The following CLASP2 variants were observed in gnomAD, a reference collection of about 807,000 sequenced individuals.
CLASP2 encodes CLIP-associating protein 2.
In CLASP2, 47 loss-of-function variants were observed where a neutral mutation model predicts 194.4. The ratio of observed to expected loss-of-function variants is 0.24; its 90% CI spans 0.19 to 0.31. CLASP2 has a LOEUF of 0.31. Among genes scored for constraint, CLASP2 ranks in the 10% least tolerant of loss-of-function variants. CLASP2 has a pLI of 1.00. For synonymous variants in CLASP2, 619 were observed against 633.5 expected (o/e 0.98, Z 0.34); for missense variants, 1,445 against 1,823.6 (o/e 0.79, Z 3.78).
At chr3:33,632,552 T>C (rs75493127) in intron 8 of CLASP2, among the ~76,000 whole-genome samples, 181 bp from the exon 9 acceptor site, 2,444 of 152,364 alleles carry the variant, frequency 0.016, 22 homozygotes, top group South Asian at 0.032. Flanking sequence ...TACTTTGTAA[T>C]GCCGATTCAT....
chr3:33,689,694 T>G (rs1372099564), intron 3 of CLASP2, 135 bp downstream of exon 3: 2 of 539,688 alleles, frequency 3.7e-6, no homozygotes, highest in Middle Eastern at 4.1e-4. Context: ...ATTGACACTG[T>G]ATCTTAAATA....
chr3:33,627,357 C>A, intron 9 of CLASP2: 2 of 366,530 alleles, frequency 5.5e-6, no homozygotes, highest in South Asian at 5.8e-5. Flanking sequence ...TGTAAAATAT[C>A]TAAGAATAAA....
intron 6 of CLASP2, among the ~76,000 whole-genome samples, chr3:33,676,791 C>T (rs1217500025): frequency 4.6e-5 from 7 of 152,052 alleles, no homozygotes; most frequent in Admixed American, 6.6e-5. Flanking sequence ...AGAAAATTTT[C>T]GCAACCTACT....
Position 33,669,918 on chromosome 3 carries a change from A to G in CLASP2, c.645-6403T>C, listed in dbSNP as rs191194097. ...ATGTATACCACAAAGCATATACAAG[A>G]AAGTTATTAGCAGCATACTCATAAA... On this transcript the variant is annotated intron_variant, in intron 6 of 38. Coordinates refer to ENST00000682230, the MANE Select transcript of CLASP2 (RefSeq NM_001365631.1). Among the ~76,000 whole-genome samples, 4 of 152,318 alleles carry G rather than the reference A, an allele frequency of 2.6e-5. No individual in the cohort carries two copies. The East Asian group carries it at 7.7e-4, about 29-fold the overall frequency.
intron 27 of CLASP2, among the ~76,000 whole-genome samples, chr3:33,564,817 T>C (rs2062403605): frequency 6.6e-6 from 1 of 152,150 alleles, no homozygotes; most frequent in Non-Finnish European, 1.5e-5. Flanking sequence ...CTTGAACTCC[T>C]GGCCTTAAGC....
chr3:33,511,602 T>C (rs2049832258), intron 36 of CLASP2, among the ~76,000 whole-genome samples: 1 of 152,190 alleles, frequency 6.6e-6, no homozygotes, highest in African/African-American at 2.4e-5. Flanking sequence ...TCCTTCTGTA[T>C]TGAGCTTGGG....
At chr3:33,547,735 C>A (rs28882196) in intron 30 of CLASP2, among the ~76,000 whole-genome samples, 13,579 of 151,760 alleles carry the variant, frequency 0.089, 623 homozygotes, top group Admixed American at 0.11. Context: ...GTGGAATTTA[C>A]CACCAGTGAC....
chr3:33,632,241 A>G, intron 9 of CLASP2, 51 bp downstream of exon 9: 1 of 1,124,324 alleles, frequency 8.9e-7, no homozygotes, highest in South Asian at 1.8e-5. Flanking sequence ...AAATAATTAT[A>G]TGAACAGGCA....
chr3:33,683,066 T>C (rs2090086228), intron 6 of CLASP2: 1 of 152,232 alleles, frequency 6.6e-6, no homozygotes, highest in Non-Finnish European at 1.5e-5. Context: ...AATTGTATGG[T>C]ACCTTTCAAC....
intron 1 of CLASP2, 129 bp downstream of exon 1, chr3:33,717,679 C>T (rs926989274): frequency 2.0e-6 from 2 of 996,460 alleles, no homozygotes; most frequent in African/African-American, 1.6e-5. Flanking sequence ...CCCGCCTGTG[C>T]TTCCCAAAGT....
chr3:33,528,135 A>G (rs1188029150), intron 34 of CLASP2, among the ~76,000 whole-genome samples: 1 of 152,198 alleles, frequency 6.6e-6, no homozygotes, highest in African/African-American at 2.4e-5. Context: ...CGCTGGCTCA[A>G]CATTCACAAA....
intron 34 of CLASP2, among the ~76,000 whole-genome samples, chr3:33,534,801 T>C (rs1398823271): frequency 1.3e-5 from 2 of 152,146 alleles, no homozygotes; most frequent in Admixed American, 1.3e-4. Flanking sequence ...AATGGTAACT[T>C]TCCTTATATT....
intron 2 of CLASP2, among the ~76,000 whole-genome samples, chr3:33,695,892 G>C (rs1044137592): frequency 7.9e-5 from 12 of 152,150 alleles, no homozygotes; most frequent in Non-Finnish European, 1.3e-4. Context: ...ATACTCTAAA[G>C]GTACATGAAG....
At chr3:33,513,766 G>GC (rs2050548290) in intron 36 of CLASP2, among the ~76,000 whole-genome samples, 1 of 152,068 alleles carries the variant, frequency 6.6e-6, no homozygotes, top group Non-Finnish European at 1.5e-5. Flanking sequence ...CTTTTCATGT[G>GC]CTTATTGCCA....
At chr3:33,661,266 T>G (rs987911444) in intron 7 of CLASP2, among the ~76,000 whole-genome samples, 1 of 152,204 alleles carries the variant, frequency 6.6e-6, no homozygotes, top group African/African-American at 2.4e-5. Context: ...TCTCCATCAC[T>G]AGATTATAGG....
In CLASP2 at chr3:33,496,962, C is replaced by T. The variant is rs760718228; in HGVS notation, c.*1669G>A. 7 of 152,568 alleles carry T rather than the reference C, an allele frequency of 4.6e-5. No individual in the cohort carries two copies. Among genetic ancestry groups the T allele is most frequent in the Non-Finnish European group, 1.0e-4 (7 of 68,010 alleles). The allele number at this position is 152,568 out of a possible 1,614,324, so 9.5% of individuals were successfully genotyped here. On this transcript the variant is annotated 3_prime_UTR_variant, in exon 39 of 39. Transcript: ENST00000682230. Reference sequence around the variant, plus strand: ...AAATAAAACTGAGTGACTTGTTACACAGTGAGACAGAAAAACTGATATACA... The same window carrying T: ...AAATAAAACTGAGTGACTTGTTACATAGTGAGACAGAAAAACTGATATACA...
intron 30 of CLASP2, among the ~76,000 whole-genome samples, chr3:33,550,975 A>G (rs1346595069): frequency 6.6e-6 from 1 of 152,236 alleles, no homozygotes; most frequent in Non-Finnish European, 1.5e-5. Flanking sequence ...TTTGAAATGT[A>G]TAGGTAAATG....
chr3:33,658,205 A>G lies in CLASP2; in HGVS notation c.715+5240T>C, dbSNP rs899256422. Among the ~76,000 whole-genome samples the G allele has an allele frequency of 3.9e-4, 60 of 152,226 alleles. 1 individual carries two copies. Among genetic ancestry groups the G allele is most frequent in the Admixed American group, 3.3e-3 (51 of 15,282 alleles). ...TGCTTTCTGTGCCTGGATCTGGGAC[A>G]TATTGTCTCAGCAGGTCTCAGTTTC... On this transcript the variant is annotated intron_variant, in intron 7 of 38. Transcript: ENST00000682230.
chr3:33,515,667 C>G (rs972825039), intron 36 of CLASP2, among the ~76,000 whole-genome samples: 1 of 151,954 alleles, frequency 6.6e-6, no homozygotes, highest in African/African-American at 2.4e-5. Context: ...AACAACCCCC[C>G]CAAAACAATG....
Sources: gnomAD v4.1 joint callset for allele counts (sites outside exome capture counted in the v4.1 genomes callset) on GRCh38, gnomAD v4.1.1 for gene constraint, MANE v1.5 for transcripts, NCBI Gene and HGNC (gene_info 2026-07-23, HGNC 2026-07-21) for gene names.